The following NAALADL2 variants were observed in gnomAD, a reference collection of about 807,000 sequenced individuals.
NAALADL2 encodes the protein N-acetylated alpha-linked acidic dipeptidase like 2, also known as inactive N-acetylated-alpha-linked acidic dipeptidase-like protein 2.
NAALADL2 carries 76 observed loss-of-function variants against 87.2 expected under a neutral mutation model. That is an observed-to-expected ratio of 0.87 (90% CI 0.72 to 1.05). The LOEUF (loss-of-function observed/expected upper bound fraction) is 1.05. Ranked by LOEUF, NAALADL2 falls within the 50% of genes least tolerant of loss-of-function variation. NAALADL2 has a pLI of 0.00. For missense variants in NAALADL2, 1,089 were observed against 945.8 expected (o/e 1.15, Z -1.99); for synonymous variants, 354 against 331.0 (o/e 1.07, Z -0.75).
At chr3:175,444,584 G>C (rs1471810740) in intron 5 of NAALADL2, among the ~76,000 whole-genome samples, 1 of 152,210 alleles carries the variant, frequency 6.6e-6, no homozygotes, top group Admixed American at 6.5e-5. Context: ...CCTCTCCAAA[G>C]GGCCCCACAC....
At chr3:174,850,999 TCTC>T (rs1194196245) in intron 3 of NAALADL2, among the ~76,000 whole-genome samples, 1 of 152,072 alleles carries the variant, frequency 6.6e-6, no homozygotes, top group Non-Finnish European at 1.5e-5. Context: ...TAAACATTAT[TCTC>T]CTGAATGACC....
At chr3:174,683,629 GGTGTGT>G (rs10522220) in intron 2 of NAALADL2, among the ~76,000 whole-genome samples, 67,721 of 146,810 alleles carry the variant, frequency 0.46, 16,734 homozygotes, top group Non-Finnish European at 0.58. Flanking sequence ...CAGAACTTCT[GGTGTGT>G]GTGTGTGTGT....
intron 1 of NAALADL2, among the ~76,000 whole-genome samples, chr3:174,505,378 A>G (rs891494538): frequency 6.6e-6 from 1 of 152,176 alleles, no homozygotes; most frequent in Non-Finnish European, 1.5e-5. Flanking sequence ...AGCGCTGATT[A>G]TTTTTAGTAA....
chr3:175,068,073 T>C (rs965805587), intron 1 of NAALADL2, among the ~76,000 whole-genome samples: 10 of 152,116 alleles, frequency 6.6e-5, no homozygotes, highest in African/African-American at 2.2e-4. Flanking sequence ...AATGAGAGAC[T>C]CTAGGAACTA....
At chr3:175,196,580 C>T (rs558041105) in intron 2 of NAALADL2, among the ~76,000 whole-genome samples, 137 of 152,026 alleles carry the variant, frequency 9.0e-4, no homozygotes, top group African/African-American at 3.0e-3. Flanking sequence ...CTTCCTTTTG[C>T]TTTAAGTTTT....
intron 1 of NAALADL2, among the ~76,000 whole-genome samples, chr3:174,500,719 A>C (rs1449576440): frequency 6.6e-6 from 1 of 152,016 alleles, no homozygotes; most frequent in African/African-American, 2.4e-5. Context: ...CATGCATTGA[A>C]ATGATCATGT....
intron 2 of NAALADL2, among the ~76,000 whole-genome samples, chr3:174,558,292 A>C (rs116574496): frequency 2.4e-3 from 360 of 152,194 alleles, no homozygotes; most frequent in Admixed American, 5.6e-3. Flanking sequence ...GTGGTCCCCA[A>C]CCTTTTTGTG....
chr3:174,507,018 T>A (rs1263284154), intron 1 of NAALADL2, among the ~76,000 whole-genome samples: 1 of 152,082 alleles, frequency 6.6e-6, no homozygotes, highest in Non-Finnish European at 1.5e-5. Context: ...TCAATATCTG[T>A]TTATCTTGTC....
At chr3:174,599,109 A>C (rs1578266530) in intron 2 of NAALADL2, among the ~76,000 whole-genome samples, 1 of 151,762 alleles carries the variant, frequency 6.6e-6, no homozygotes, top group East Asian at 1.9e-4. Flanking sequence ...AGAGCCATAC[A>C]CTCCATTAAG....
intron 5 of NAALADL2, among the ~76,000 whole-genome samples, chr3:175,427,374 A>G (rs1053871819): frequency 6.6e-5 from 10 of 152,220 alleles, no homozygotes; most frequent in East Asian, 1.9e-4. Flanking sequence ...GAAATAGAAC[A>G]TGAAAAAAGT....
At chr3:175,184,855 A>C (rs1737092605) in intron 2 of NAALADL2, among the ~76,000 whole-genome samples, 1 of 152,122 alleles carries the variant, frequency 6.6e-6, no homozygotes, top group African/African-American at 2.4e-5. Context: ...TGCCAAACTT[A>C]TTCCAAAAAC....
At chr3:175,161,369 G>T (rs1031143823) in intron 2 of NAALADL2, among the ~76,000 whole-genome samples, 1 of 152,064 alleles carries the variant, frequency 6.6e-6, no homozygotes, top group African/African-American at 2.4e-5. Flanking sequence ...TAAAAACTAG[G>T]ATAAGGGTTA....
At chr3:175,185,221 G>T (rs1359887317) in intron 2 of NAALADL2, among the ~76,000 whole-genome samples, 1 of 151,980 alleles carries the variant, frequency 6.6e-6, no homozygotes, top group Non-Finnish European at 1.5e-5. Flanking sequence ...TGATAAATTG[G>T]GATGACTACT....
rs115307897 is a variant in NAALADL2, at chr3:175,650,174, G to A, written c.1896+22788G>A. Among the ~76,000 whole-genome samples the A allele has an allele frequency of 7.3e-3, 1,108 of 152,080 alleles. 12 individuals carry two copies. The highest frequency in any genetic ancestry group is 0.026 in the African/African-American group (1,062 of 41,518). ...AATACTGACACATGCTTCAACGTGGGTGAACTTCAAAAACATTATGCTAAG... is the reference window on the plus strand; with the variant it reads ...AATACTGACACATGCTTCAACGTGGATGAACTTCAAAAACATTATGCTAAG... On this transcript the variant is annotated intron_variant, in intron 11 of 13. Transcript: ENST00000454872.
chr3:174,960,104 T>C (rs745885508), intron 1 of NAALADL2, among the ~76,000 whole-genome samples: 5 of 151,930 alleles, frequency 3.3e-5, no homozygotes, highest in Non-Finnish European at 7.4e-5. Flanking sequence ...TTTAACAAGG[T>C]CTATTAGAAA....
intron 2 of NAALADL2, among the ~76,000 whole-genome samples, chr3:175,170,384 T>C (rs1734624894): frequency 1.3e-5 from 2 of 148,866 alleles, no homozygotes; most frequent in Non-Finnish European, 3.0e-5. Flanking sequence ...CATTGGTTAC[T>C]TAACAAAAAT....
intron 11 of NAALADL2, among the ~76,000 whole-genome samples, chr3:175,707,821 T>G (rs1162068037): frequency 6.6e-6 from 1 of 152,028 alleles, no homozygotes; most frequent in African/African-American, 2.4e-5. Context: ...AGAATTAAGT[T>G]TGTAAGACAT....
At chr3:175,097,324 G>A (rs1469490924) in intron 2 of NAALADL2, 33 bp downstream of exon 2, 1 of 1,570,312 alleles carries the variant, frequency 6.4e-7, no homozygotes, top group Non-Finnish European at 8.6e-7. Flanking sequence ...TTGTTTGAAT[G>A]CATTTCTTGG....
intron 4 of NAALADL2, 108 bp from the exon 5 acceptor site, chr3:175,324,067 A>T (rs1760362016): frequency 1.2e-6 from 1 of 826,974 alleles, no homozygotes; most frequent in Admixed American, 2.7e-5. Context: ...AAAAAGAAAA[A>T]AAAACTGGAA....
Sources: gnomAD v4.1 joint callset for allele counts (sites outside exome capture counted in the v4.1 genomes callset) on GRCh38, gnomAD v4.1.1 for gene constraint, MANE v1.5 for transcripts, NCBI Gene and HGNC (gene_info 2026-07-23, HGNC 2026-07-21) for gene names.